Variants in CLYBL observed in about 807,000 individuals in gnomAD.
The protein encoded by CLYBL is citramalyl-CoA lyase, also known as citramalyl-CoA lyase, mitochondrial.
Under a neutral mutation model 38.9 loss-of-function variants are expected in CLYBL, and 31 were observed. That is an observed-to-expected ratio of 0.80 (90% CI 0.60 to 1.08). The LOEUF is 1.08. Among genes scored for constraint, CLYBL ranks in the 50% least tolerant of loss-of-function variants. The probability of loss-of-function intolerance (pLI) is 0.00; values close to 1 mark genes in which losing one functional copy is unlikely to be tolerated. For missense variants in CLYBL, 434 were observed against 411.6 expected (o/e 1.05, Z -0.47); for synonymous variants, 171 against 158.6 (o/e 1.08, Z -0.59).
intron 1 of CLYBL, among the ~76,000 whole-genome samples, chr13:99,639,600 C>T (rs772275840): frequency 6.6e-6 from 1 of 152,152 alleles, no homozygotes; most frequent in Non-Finnish European, 1.5e-5. Flanking sequence ...ATTTTTAGAA[C>T]TACAAATTTG....
chr13:99,833,574 C>T (rs1466134625), intron 2 of CLYBL, among the ~76,000 whole-genome samples: 1 of 151,918 alleles, frequency 6.6e-6, no homozygotes, highest in African/African-American at 2.4e-5. Flanking sequence ...CCTCCAGTCA[C>T]CTCCCCCAAC....
In CLYBL at chr13:99,716,221, C is replaced by T. The variant is rs1209815502; in HGVS notation, c.63-56603C>T. Among the ~76,000 whole-genome samples, 13 of 78,474 alleles carry T rather than the reference C, an allele frequency of 1.7e-4. No individual in the cohort carries two copies. The South Asian group carries it at 2.1e-3, about 13-fold the overall frequency. 51.5% of individuals were successfully genotyped at this position (78,474 alleles called of 152,430 possible). A position where few individuals can be genotyped will look rare whatever the true frequency, so the allele number is the denominator to read the frequency against. On this transcript the variant is annotated intron_variant, in intron 1 of 8. Coordinates refer to ENST00000339105, the MANE Select transcript of CLYBL (RefSeq NM_206808.5). ...TTTTTTTTTTTTAGAGACAAGGTCT[C>T]GCTATGTTGCTCAGGCTGGGCTCAA...
At chr13:99,870,648 G>C (rs1463313603) in intron 6 of CLYBL, among the ~76,000 whole-genome samples, 1 of 152,138 alleles carries the variant, frequency 6.6e-6, no homozygotes, top group Non-Finnish European at 1.5e-5. Flanking sequence ...AAGCTGCCTA[G>C]TCAGCCCACC....
rs190526381 is a variant in CLYBL, at chr13:99,849,547, C to T, written c.250-9314C>T. ...GTCTGTGCAAAGTGTACGTCAAAGC[C>T]ACACTACTGAATCATAAAACATCGG... On this transcript the variant is annotated intron_variant, in intron 2 of 8. Coordinates refer to ENST00000339105, the MANE Select transcript of CLYBL (RefSeq NM_206808.5). This position sits in a 1 kb window ranked among gnomAD's most constrained non-coding sequence, Gnocchi z 4.9. Among the ~76,000 whole-genome samples, 1 of 152,292 alleles carries T rather than the reference C, an allele frequency of 6.6e-6. No homozygotes were observed. Among genetic ancestry groups the T allele is most frequent in the Non-Finnish European group, 1.5e-5 (1 of 68,030 alleles).
downstream of CLYBL, chr13:99,896,044 G>T (rs11842450): frequency 0.078 from 11,816 of 151,420 alleles, 494 homozygotes; most frequent in Admixed American, 0.11. Flanking sequence ...CGCAGACGCC[G>T]AGCCCTGCGG....
chr13:99,901,798 TACAAGC>T (rs557588152), downstream of CLYBL, among the ~76,000 whole-genome samples: 25 of 152,116 alleles, frequency 1.6e-4, no homozygotes, highest in South Asian at 5.2e-3. Flanking sequence ...TACCTCGGAT[TACAAGC>T]ACACGCCACC....
At chr13:99,643,427 T>C (rs2047125348) in intron 1 of CLYBL, among the ~76,000 whole-genome samples, 1 of 152,222 alleles carries the variant, frequency 6.6e-6, no homozygotes. Context: ...ACCTGCATTT[T>C]CAACCAGTTA....
At chr13:99,819,422 A>G (rs1340852384) in intron 2 of CLYBL, among the ~76,000 whole-genome samples, 1 of 10,712 alleles carries the variant, frequency 9.3e-5, no homozygotes, top group Non-Finnish European at 1.5e-4. Context: ...AAATTTATAT[A>G]TATATATATA....
downstream of CLYBL, among the ~76,000 whole-genome samples, chr13:99,899,341 A>T (rs1298875670): frequency 1.3e-5 from 2 of 152,142 alleles, no homozygotes; most frequent in African/African-American, 4.8e-5. Flanking sequence ...TTGGCCATTC[A>T]ACTTCTCCTT....
chr13:99,718,809 A>G (rs947581029), intron 1 of CLYBL, among the ~76,000 whole-genome samples: 1 of 152,010 alleles, frequency 6.6e-6, no homozygotes, highest in Non-Finnish European at 1.5e-5. Flanking sequence ...TTTGATATTA[A>G]TTAATTCAGT....
intron 1 of CLYBL, among the ~76,000 whole-genome samples, chr13:99,647,122 G>C (rs1958695971): frequency 6.6e-6 from 1 of 152,192 alleles, no homozygotes; most frequent in African/African-American, 2.4e-5. Flanking sequence ...CACCTAAGGG[G>C]GGCTGGGTGG....
intron 1 of CLYBL, among the ~76,000 whole-genome samples, chr13:99,765,044 T>C (rs1292324819): frequency 1.3e-5 from 2 of 151,812 alleles, no homozygotes; most frequent in Non-Finnish European, 2.9e-5. Context: ...GTTTTTCTTT[T>C]CTTTTTTTTT....
chr13:99,864,841 G>A lies in CLYBL; in HGVS notation c.564G>A (p.Lys188=). The A allele has an allele frequency of 1.2e-6, 2 of 1,613,952 alleles. No individual in the cohort carries two copies. The highest frequency in any genetic ancestry group is 1.7e-6 in the Non-Finnish European group (2 of 1,179,900). Residue 188 remains lysine, a synonymous_variant, in exon 5 of 9, where the codon AAG becomes AAA. Coordinates refer to ENST00000339105, the MANE Select transcript of CLYBL (RefSeq NM_206808.5). ...AGGCAGTGTGTGAAGAAACCCTGAA[G>A]GTCGGGCCTCAAGTAGGTCTCTTTC... ...NFKAVCEETL[K]VGPQVGLFLD...
intron 2 of CLYBL, among the ~76,000 whole-genome samples, chr13:99,803,184 G>A (rs568799533): frequency 6.6e-6 from 1 of 152,324 alleles, no homozygotes; most frequent in African/African-American, 2.4e-5. Context: ...TGGAGTGGCC[G>A]GCTGAAGGTT....
chr13:99,742,479 A>G (rs187835205), intron 1 of CLYBL, among the ~76,000 whole-genome samples: 72 of 152,378 alleles, frequency 4.7e-4, no homozygotes, highest in African/African-American at 1.5e-3. Context: ...GCCTCTGTCA[A>G]TGATGGCTCT....
chr13:99,716,439 A>C (rs1303538080), intron 1 of CLYBL, among the ~76,000 whole-genome samples: 2 of 147,846 alleles, frequency 1.4e-5, no homozygotes, highest in Non-Finnish European at 3.0e-5. Context: ...ACTGGAGTGC[A>C]ATGGCGCAAT....
chr13:99,634,091 A>G (rs1042149261), intron 1 of CLYBL, among the ~76,000 whole-genome samples: 4 of 152,206 alleles, frequency 2.6e-5, no homozygotes, highest in African/African-American at 9.7e-5. Flanking sequence ...CATTGCTGAA[A>G]TCCAAAAATA....
rs35512772 is a variant in CLYBL at position 99,876,420 on chromosome 13, CAAAAAAA to C, written c.927+5373_927+5379del. 6.2e-3 allele frequency among the ~76,000 whole-genome samples: 434 copies of C among 70,106 alleles called. 1 individual carries two copies. The highest frequency in any genetic ancestry group is 0.051 in the South Asian group (88 of 1,722). 46.0% of individuals were successfully genotyped at this position (70,106 alleles called of 152,430 possible). A position where few individuals can be genotyped will look rare whatever the true frequency, so the allele number is the denominator to read the frequency against. On this transcript the variant is annotated intron_variant, in intron 7 of 8. Transcript: ENST00000339105. ...TGGGTGACAGAACAAGACTCCGTCTCAAAAAAAAAAAAAAAAAAAAAGAGTGTTTTTA... is the reference window on the plus strand; with the variant it reads ...TGGGTGACAGAACAAGACTCCGTCTCAAAAAAAAAAAAAAGAGTGTTTTTA...
At chr13:99,855,190 G>A (rs1410741632) in intron 2 of CLYBL, among the ~76,000 whole-genome samples, 1 of 152,144 alleles carries the variant, frequency 6.6e-6, no homozygotes, top group Non-Finnish European at 1.5e-5. Context: ...TCCACAGTGA[G>A]AATGGCTCAC....
Sources: gnomAD v4.1 joint callset for allele counts (sites outside exome capture counted in the v4.1 genomes callset) on GRCh38, gnomAD v4.1.1 for gene constraint, Gnocchi (gnomAD v3.1) non-coding constraint, MANE v1.5 for transcripts, NCBI Gene and HGNC (gene_info 2026-07-23, HGNC 2026-07-21) for gene names.